The following HOOK2 variants were observed in gnomAD, a reference collection of about 807,000 sequenced individuals.
HOOK2 encodes protein Hook homolog 2.
A neutral mutation model predicts 111.9 loss-of-function variants in HOOK2; 108 were observed. The observed-to-expected ratio is 0.96, with a 90% CI of 0.83 to 1.13. The LOEUF (loss-of-function observed/expected upper bound fraction) is 1.13. Among genes scored for constraint, HOOK2 ranks in the 50% most tolerant of loss-of-function variants. HOOK2 has a pLI of 0.00. For synonymous variants in HOOK2, 405 were observed against 394.3 expected (o/e 1.03, Z -0.32); for missense variants, 978 against 951.3 (o/e 1.03, Z -0.37).
chr19:12,786,504 G>A lies in HOOK2; in HGVS notation n.42-12279C>T, dbSNP rs946536963. Among the ~76,000 whole-genome samples, 1 of 152,098 alleles carries A rather than the reference G, an allele frequency of 6.6e-6. No individual in the cohort carries two copies. Among genetic ancestry groups the A allele is most frequent in the South Asian group, 2.1e-4 (1 of 4,832 alleles). ...CCCCAGGCCCTGGGGCACTGGGGAA[G>A]CCTGCGCAGGGACTTCTTAGCCAGG... On this transcript the variant is annotated intron_variant and non_coding_transcript_variant, in intron 3 of 3. Transcript: ENST00000589765. The surrounding 1 kb of genome is among the most constrained non-coding windows in gnomAD (Gnocchi z 4.3).
rs746636150 is a variant in HOOK2 at position 12,763,247 on chromosome 19, G to A, written c.*35C>T. 4.4e-6 allele frequency: 7 copies of A among 1,599,852 alleles called. No individual in the cohort carries two copies. Among genetic ancestry groups the A allele is most frequent in the Non-Finnish European group, 6.0e-6 (7 of 1,170,530 alleles). ...CATGTGAGCTGGAGGAAGCCAGGGT[G>A]GGTGGAGCCCAGGCTGGCTTGATTG... On this transcript the variant is annotated 3_prime_UTR_variant, in exon 23 of 23. Transcript: ENST00000397668.
intron 3 of HOOK2, among the ~76,000 whole-genome samples, chr19:12,788,839 G>A (rs1968678754): frequency 1.3e-5 from 2 of 152,278 alleles, no homozygotes; most frequent in South Asian, 4.1e-4. Flanking sequence ...CAGGCCTCCG[G>A]AATCTCCCTT....
intron 3 of HOOK2, chr19:12,773,314 A>G (rs1406886692): frequency 1.4e-5 from 6 of 428,544 alleles, no homozygotes; most frequent in East Asian, 4.4e-5. Context: ...CAGTGGTGCA[A>G]TCTTGGCTCA....
intron 3 of HOOK2, chr19:12,774,423 G>T (rs1022601328): frequency 3.4e-6 from 2 of 582,824 alleles, no homozygotes; most frequent in African/African-American, 3.7e-5. Flanking sequence ...TAATTTTTAT[G>T]GTTGTGTATG....
upstream of HOOK2, chr19:12,775,558 G>A (rs1021176931): frequency 2.6e-4 from 296 of 1,140,710 alleles, 3 homozygotes; most frequent in Non-Finnish European, 3.0e-4. Flanking sequence ...GGCCTAGAGC[G>A]CCGCCCCGCC....
intron 2 of HOOK2, 28 bp downstream of exon 2, chr19:12,774,784 T>A: frequency 6.2e-7 from 1 of 1,613,300 alleles, no homozygotes; most frequent in Non-Finnish European, 8.5e-7. Flanking sequence ...GGGACACTTT[T>A]GGGATCCTCC....
chr19:12,779,876 T>G (rs996032418), upstream of HOOK2, among the ~76,000 whole-genome samples: 2 of 152,184 alleles, frequency 1.3e-5, no homozygotes, highest in Non-Finnish European at 2.9e-5. Context: ...GGGGCCGGGC[T>G]TGGTGGCTCG....
Position 12,767,891 on chromosome 19 carries a change from C to T in HOOK2, c.1228G>A (p.Glu410Lys), listed in dbSNP as rs1968204534. The stretch of plus-strand genomic sequence containing the variant: ...TTGGCCTCCCGCAAGGAGTCCCGCT[C>T]CGCCAACAGCCGCTGCAGGGACAGG... Reference protein sequence around the residue: ...VTKEKERLLAERDSLREANEE... With the variant: ...VTKEKERLLAKRDSLREANEE... The change falls in exon 13 of 23, where the codon GAG becomes AAG. Residue 410 changes from glutamate to lysine, a missense_variant. Physicochemically the swap from Glu to Lys is moderately conservative, Grantham distance 56. Around this residue, in one of 5 missense-constraint regions of HOOK2, gnomAD observed 388 missense variants for 358.3 expected, o/e 1.08. Coordinates refer to ENST00000397668, the MANE Select transcript of HOOK2 (RefSeq NM_013312.3). The T allele has an allele frequency of 1.9e-6, 3 of 1,609,846 alleles. No homozygotes were observed. Among genetic ancestry groups the T allele is most frequent in the African/African-American group, 2.7e-5 (2 of 74,920 alleles).
rs796641986 is a variant in HOOK2, at chr19:12,786,161, C to T, written n.42-11936G>A. ...AAACCACAGAGGTGGGAGAGGGAGG[C>T]GGCTGGTAGGCCAGGAGTTCCTGGG... On this transcript the variant is annotated intron_variant and non_coding_transcript_variant, in intron 3 of 3. Coordinates refer to the HOOK2 transcript ENST00000589765. The surrounding 1 kb of genome is among the most constrained non-coding windows in gnomAD (Gnocchi z 4.3). Among the ~76,000 whole-genome samples, 7 of 152,264 alleles carry T rather than the reference C, an allele frequency of 4.6e-5. No homozygotes were observed. Among genetic ancestry groups the T allele is most frequent in the African/African-American group, 9.6e-5 (4 of 41,554 alleles).
rs1030738949 is a variant in HOOK2, at chr19:12,767,542, T to C, written c.1304-78A>G. 10 of 1,231,120 alleles carry C rather than the reference T, an allele frequency of 8.1e-6. No individual in the cohort carries two copies. In the African/African-American group the frequency reaches 1.5e-4, roughly 18 times the overall value. The allele number at this position is 1,231,120 out of a possible 1,614,324, so 76.3% of individuals were successfully genotyped here. A position where few individuals can be genotyped will look rare whatever the true frequency, so the allele number is the denominator to read the frequency against. ...CCTAGGGTCTTCTTCCCAAGGATCATCTTTTGGGGCTTCAAGTTCAGCCAA... is the reference window on the plus strand; with the variant it reads ...CCTAGGGTCTTCTTCCCAAGGATCACCTTTTGGGGCTTCAAGTTCAGCCAA... On this transcript the variant is annotated intron_variant, in intron 13 of 22. Transcript: ENST00000397668.
At chr19:12,769,826 TGA>T in intron 11 of HOOK2, 53 bp downstream of exon 11, 2 of 1,340,524 alleles carry the variant, frequency 1.5e-6, no homozygotes, top group South Asian at 1.7e-5. Context: ...TGGCCAACGG[TGA>T]GAGACTTGCT....
chr19:12,787,581 G>C (rs938235573), intron 3 of HOOK2, among the ~76,000 whole-genome samples: 1 of 151,428 alleles, frequency 6.6e-6, no homozygotes, highest in African/African-American at 2.4e-5. Flanking sequence ...GTAGTGAGCT[G>C]ATATTGTGCC....
At position 12,771,413 on chromosome 19, in the gene HOOK2, A is replaced by G. The variant is rs1463821750; in HGVS notation, c.584T>C (p.Leu195Pro). Residue 195 changes from leucine to proline, a missense_variant, in exon 8 of 23, where the codon CTG becomes CCG. Physicochemically the swap from Leu to Pro is moderately conservative, Grantham distance 98. This residue lies in a region of HOOK2 where 301 missense variants were observed against 286.1 expected (regional missense o/e 1.05). Transcript: ENST00000397668. ...EEGDELQQRC[L>P]DLERQLMLLS... is the part of the protein sequence containing the mutation. ...GGGCCCTACCTGCCGCTCCAGATCC[A>G]GACAGCGCTGCTGTAATTCGTCCCC... 6.2e-7 allele frequency: 1 copy of G among 1,613,702 alleles called. No individual in the cohort carries two copies. Among genetic ancestry groups the G allele is most frequent in the Non-Finnish European group, 8.5e-7 (1 of 1,179,832 alleles).
Position 12,767,861 on chromosome 19 carries a change from C to G in HOOK2, c.1258G>C (p.Glu420Gln). Reference sequence around the variant, plus strand: ...GGCTGCAGCTGGGCGCAGCGCAGCTCCTCATTGGCCTCCCGCAAGGAGTCC... The same window carrying G: ...GGCTGCAGCTGGGCGCAGCGCAGCTGCTCATTGGCCTCCCGCAAGGAGTCC... ...ERDSLREANE[E>Q]LRCAQLQPRG... Residue 420 changes from glutamate (E) to glutamine (Q), a missense_variant, in exon 13 of 23, where the codon GAG (glutamate) becomes CAG (glutamine). Physicochemically the swap from Glu to Gln is conservative, Grantham distance 29 (BLOSUM62 2). This residue lies in a region of HOOK2 where 388 missense variants were observed against 358.3 expected (regional missense o/e 1.08). Coordinates refer to ENST00000397668, the MANE Select transcript of HOOK2 (RefSeq NM_013312.3). 6.2e-7 allele frequency: 1 copy of G among 1,607,558 alleles called. No individual in the cohort carries two copies. Among genetic ancestry groups the G allele is most frequent in the Non-Finnish European group, 8.5e-7 (1 of 1,179,916 alleles).
intron 10 of HOOK2, 96 bp downstream of exon 10, chr19:12,770,836 T>C: frequency 1.4e-6 from 2 of 1,461,464 alleles, no homozygotes; most frequent in East Asian, 2.3e-5. Flanking sequence ...ACTGGGCACA[T>C]GAAAATTACA....
rs770226962 is a variant in HOOK2, at chr19:12,774,902, G to T, written c.46-5C>A. The T allele has an allele frequency of 6.2e-7, 1 of 1,612,754 alleles. No individual in the cohort carries two copies. Among genetic ancestry groups the T allele is most frequent in the African/African-American group, 1.3e-5 (1 of 75,008 alleles). The stretch of plus-strand genomic sequence containing the variant: ...CGGAACGTGGAACGTCTGTAACTGA[G>T]GGGTAAAGGAAAGGACAAGGAAAGA... On this transcript the variant is annotated splice_region_variant and splice_polypyrimidine_tract_variant and intron_variant, in intron 1 of 22. Transcript: ENST00000397668.
chr19:12,791,539 G>C lies in HOOK2; in HGVS notation n.42-17314C>G. The stretch of plus-strand genomic sequence containing the variant: ...CGGAGCCAGCAGGGAGCTGGGAGCT[G>C]GGGGAAACGACGCCAGGAAAGCTAT... On this transcript the variant is annotated intron_variant and non_coding_transcript_variant, in intron 3 of 3. Coordinates refer to the HOOK2 transcript ENST00000589765. The surrounding 1 kb of genome is among the most constrained non-coding windows in gnomAD (Gnocchi z 7.0). 1 of 481,738 alleles carries C rather than the reference G, an allele frequency of 2.1e-6. No homozygotes were observed. Among genetic ancestry groups the C allele is most frequent in the South Asian group, 3.2e-5 (1 of 31,158 alleles). 29.8% of individuals were successfully genotyped at this position (481,738 alleles called of 1,614,324 possible).
rs35337531 is a variant in HOOK2, at chr19:12,766,228, C to T, written c.1386G>A (p.Leu462=). The T allele has an allele frequency of 0.041, 64,270 of 1,584,000 alleles. 1,604 individuals carry two copies. The highest frequency in any genetic ancestry group is 0.11 in the African/African-American group (8,293 of 74,556). ...ILPAELRETL[L]RLQLENKRLC... is the part of the protein sequence containing the mutation. ...GCCGCTTGTTCTCCAGCTGAAGCCGCAGGAGCGTCTCCCTGCAGACCCGGG... is the reference window on the plus strand; with the variant it reads ...GCCGCTTGTTCTCCAGCTGAAGCCGTAGGAGCGTCTCCCTGCAGACCCGGG... Residue 462 remains leucine (L), a synonymous_variant, in exon 15 of 23, where the codon CTG becomes CTA. Transcript: ENST00000397668.
Position 12,766,226 on chromosome 19 carries a change from C to T in HOOK2, c.1388G>A (p.Arg463Gln). Residue 463 changes from arginine to glutamine, a missense_variant, in exon 15 of 23, where the codon CGG becomes CAG. By Grantham distance (43) the Arg-to-Gln change is conservative. Coordinates refer to ENST00000397668, the MANE Select transcript of HOOK2 (RefSeq NM_013312.3). ...LPAELRETLL[R>Q]LQLENKRLCR... ...CAGCCGCTTGTTCTCCAGCTGAAGC[C>T]GCAGGAGCGTCTCCCTGCAGACCCG... 1.3e-6 allele frequency: 2 copies of T among 1,585,400 alleles called. No homozygotes were observed. The highest frequency in any genetic ancestry group is 2.3e-5 in the East Asian group (1 of 44,232).
Sources: gnomAD v4.1 joint callset for allele counts (sites outside exome capture counted in the v4.1 genomes callset) on GRCh38, gnomAD v4.1.1 for gene constraint, gnomAD v4.1.1 regional missense constraint, Gnocchi (gnomAD v3.1) non-coding constraint, MANE v1.5 for transcripts, NCBI Gene and HGNC (gene_info 2026-07-23, HGNC 2026-07-21) for gene names.